The following TSGA10 variants were observed in gnomAD, a reference collection of about 807,000 sequenced individuals.
TSGA10 encodes the protein testis specific 10.
Under a neutral mutation model 96.6 loss-of-function variants are expected in TSGA10, and 43 were observed. The observed-to-expected ratio is 0.44, with a 90% CI of 0.35 to 0.57. The LOEUF is 0.57. TSGA10 is among the 20% of genes least tolerant of loss of function. The probability of loss-of-function intolerance (pLI) is 0.01; values close to 1 mark genes in which losing one functional copy is unlikely to be tolerated. For synonymous variants in TSGA10, 229 were observed against 269.9 expected, an observed-to-expected ratio of 0.85 and a Z score of 1.48; for missense variants, 703 against 834.4, an observed-to-expected ratio of 0.84 and a Z score of 1.94.
chr2:99,104,951 T>C (rs2091184956), intron 9 of TSGA10, among the ~76,000 whole-genome samples: 1 of 152,250 alleles, frequency 6.6e-6, no homozygotes. Context: ...GTTTCACATT[T>C]AAATTTAGTT....
intron 1 of TSGA10, among the ~76,000 whole-genome samples, chr2:99,150,084 A>T (rs1024029563): frequency 2.0e-5 from 3 of 152,118 alleles, no homozygotes; most frequent in Non-Finnish European, 4.4e-5. Context: ...GGGCCACCGC[A>T]CCCAGCCAAT....
chr2:99,130,189 T>A (rs2093010270), intron 1 of TSGA10, among the ~76,000 whole-genome samples: 1 of 152,198 alleles, frequency 6.6e-6, no homozygotes, highest in African/African-American at 2.4e-5. Flanking sequence ...TGATTCTAGA[T>A]CCCTGAGGAA....
intron 17 of TSGA10, among the ~76,000 whole-genome samples, chr2:99,024,629 T>C (rs534314844): frequency 6.6e-6 from 1 of 152,316 alleles, no homozygotes; most frequent in South Asian, 2.1e-4. Context: ...CCAATCTGGA[T>C]GCCTTTTATT....
intron 17 of TSGA10, among the ~76,000 whole-genome samples, chr2:99,033,973 C>G (rs1196924393): frequency 2.0e-5 from 3 of 152,152 alleles, no homozygotes; most frequent in Non-Finnish European, 4.4e-5. Context: ...GGTGTATGAT[C>G]ACCTAGCTCA....
intron 10 of TSGA10, chr2:99,102,165 C>T: frequency 6.5e-7 from 1 of 1,533,584 alleles, no homozygotes; most frequent in East Asian, 2.2e-5. Context: ...TATACTTGAA[C>T]TTCGGAAATA....
chr2:99,125,729 T>C (rs2092790811), intron 2 of TSGA10: 1 of 152,246 alleles, frequency 6.6e-6, no homozygotes, highest in Non-Finnish European at 1.5e-5. Flanking sequence ...GTTCCTCTAC[T>C]TGGCATCTGT....
intron 20 of TSGA10, among the ~76,000 whole-genome samples, chr2:99,010,330 C>A (rs1212575134): frequency 6.6e-6 from 1 of 152,118 alleles, no homozygotes; most frequent in Admixed American, 6.6e-5. Flanking sequence ...TAGGAATATA[C>A]CAGGAAAACC....
In TSGA10 at chr2:99,141,228, C is replaced by A. The variant is rs1327964170; in HGVS notation, c.-621+13465G>T. The stretch of plus-strand genomic sequence containing the variant: ...GCCCCTTTCTCCTCCCTTCCCACCC[C>A]CAAATCGTCCTGGCCCCGCCCCGGC... On this transcript the variant is annotated intron_variant, in intron 1 of 20. Coordinates refer to ENST00000393483, the MANE Select transcript of TSGA10 (RefSeq NM_025244.4). 2.8e-6 allele frequency: 3 copies of A among 1,053,268 alleles called. No homozygotes were observed. In the African/African-American group the frequency reaches 5.2e-5, roughly 18 times the overall value. 65.2% of individuals were successfully genotyped at this position (1,053,268 alleles called of 1,614,324 possible).
chr2:99,127,104 G>A lies in TSGA10; in HGVS notation c.-548C>T. 7.8e-7 allele frequency: 1 copy of A among 1,289,608 alleles called. No homozygotes were observed. Among genetic ancestry groups the A allele is most frequent in the Non-Finnish European group, 1.0e-6 (1 of 988,786 alleles). 79.9% of individuals were successfully genotyped at this position (1,289,608 alleles called of 1,614,324 possible). A position where few individuals can be genotyped will look rare whatever the true frequency, so the allele number is the denominator to read the frequency against. ...TGGTTTCTCACTTCTTGTTCTAGCT[G>A]GAGAGTATTCTGGTAGTTTTCAGCT... On this transcript the variant is annotated 5_prime_UTR_variant, in exon 2 of 21. Coordinates refer to ENST00000393483, the MANE Select transcript of TSGA10 (RefSeq NM_025244.4).
chr2:99,072,051 C>G (rs2086037442), intron 13 of TSGA10, among the ~76,000 whole-genome samples, 177 bp from the exon 14 acceptor site: 1 of 152,150 alleles, frequency 6.6e-6, no homozygotes, highest in Non-Finnish European at 1.5e-5. Flanking sequence ...CTCAATGTTG[C>G]CATCATTTCG....
intron 10 of TSGA10, among the ~76,000 whole-genome samples, chr2:99,088,558 C>G (rs1212015932): frequency 6.6e-6 from 1 of 152,066 alleles, no homozygotes; most frequent in African/African-American, 2.4e-5. Context: ...CTCTGAAAGG[C>G]CTGATTTAAA....
chr2:99,090,840 G>A (rs947110628), intron 10 of TSGA10, among the ~76,000 whole-genome samples: 3 of 152,142 alleles, frequency 2.0e-5, no homozygotes, highest in African/African-American at 7.2e-5. Context: ...AAAAGCATGG[G>A]AAACGTATTT....
intron 4 of TSGA10, among the ~76,000 whole-genome samples, chr2:99,115,772 C>G (rs560136205): frequency 6.6e-6 from 1 of 151,936 alleles, no homozygotes; most frequent in East Asian, 1.9e-4. Context: ...CCCAGCTACT[C>G]GGGAGACTGA....
Position 99,087,021 on chromosome 2 carries a change from A to C in TSGA10, c.612-5624T>G, listed in dbSNP as rs983262363. Among the ~76,000 whole-genome samples the C allele has an allele frequency of 1.2e-4, 18 of 151,920 alleles. No homozygotes were observed. In the South Asian group the frequency reaches 2.1e-3, roughly 18 times the overall value. ...AGATTGAGACCATCCTGGCTAACAC[A>C]GTGAAACCCCGTCTCTACTAAAAAT... On this transcript the variant is annotated intron_variant, in intron 10 of 20. Transcript: ENST00000393483.
At chr2:99,036,809 T>G (rs1436592436) in intron 16 of TSGA10, among the ~76,000 whole-genome samples, 1 of 152,104 alleles carries the variant, frequency 6.6e-6, no homozygotes, top group African/African-American at 2.4e-5. Flanking sequence ...AAAAGGAAAG[T>G]TGGGGTAGCT....
chr2:99,087,045 A>C (rs967653755), intron 10 of TSGA10, among the ~76,000 whole-genome samples: 2 of 152,066 alleles, frequency 1.3e-5, no homozygotes, highest in Non-Finnish European at 2.9e-5. Context: ...TCTACTAAAA[A>C]TACAAAAAAT....
chr2:99,141,427 C>G (rs985595786), intron 1 of TSGA10: 1 of 181,050 alleles, frequency 5.5e-6, no homozygotes, highest in African/African-American at 2.4e-5. Context: ...CGCACGCGTA[C>G]CTGGCTCGAC....
chr2:99,018,097 C>A, intron 20 of TSGA10, 103 bp downstream of exon 20: 2 of 1,084,230 alleles, frequency 1.8e-6, no homozygotes, highest in Admixed American at 2.8e-5. Context: ...GTTTAAATAT[C>A]ACTATTAAAG....
rs553937242 is a variant in TSGA10 at position 99,141,017 on chromosome 2, C to T, written c.-621+13676G>A. On this transcript the variant is annotated intron_variant, in intron 1 of 20. Coordinates refer to ENST00000393483, the MANE Select transcript of TSGA10 (RefSeq NM_025244.4). Reference sequence around the variant, plus strand: ...GCCACTCCTGCCCGCTTGCAGCCGCCTTCTCAGAGACCTTCCAGTCCAGTA... The same window carrying T: ...GCCACTCCTGCCCGCTTGCAGCCGCTTTCTCAGAGACCTTCCAGTCCAGTA... The T allele has an allele frequency of 4.7e-5, 55 of 1,160,832 alleles. No individual in the cohort carries two copies. In the Admixed American group the frequency reaches 6.6e-4, roughly 14 times the overall value. 71.9% of individuals were successfully genotyped at this position (1,160,832 alleles called of 1,614,324 possible).
Sources: gnomAD v4.1 joint callset for allele counts (sites outside exome capture counted in the v4.1 genomes callset) on GRCh38, gnomAD v4.1.1 for gene constraint, MANE v1.5 for transcripts, NCBI Gene and HGNC (gene_info 2026-07-23, HGNC 2026-07-21) for gene names.